Variants in STXBP5 observed in about 807,000 individuals in gnomAD.
STXBP5 encodes syntaxin binding protein 5.
A neutral mutation model predicts 152.4 loss-of-function variants in STXBP5; 50 were observed. The ratio of observed to expected loss-of-function variants is 0.33; its 90% CI spans 0.26 to 0.42. STXBP5 has a LOEUF of 0.42. Among genes scored for constraint, STXBP5 ranks in the 10% least tolerant of loss-of-function variants. The pLI is 1.00. For synonymous variants in STXBP5, 492 were observed against 494.7 expected, an observed-to-expected ratio of 0.99 and a Z score of 0.07; for missense variants, 1,167 against 1,388.6, an observed-to-expected ratio of 0.84 and a Z score of 2.54.
At chr6:147,217,445 G>A (rs576374195) in intron 2 of STXBP5, among the ~76,000 whole-genome samples, 5 of 152,212 alleles carry the variant, frequency 3.3e-5, no homozygotes, top group African/African-American at 7.2e-5. Flanking sequence ...TTATGACTAC[G>A]TAGTAAATAG....
chr6:147,326,454 A>G (rs2128386178), intron 17 of STXBP5, among the ~76,000 whole-genome samples: 1 of 152,318 alleles, frequency 6.6e-6, no homozygotes, highest in South Asian at 2.1e-4. Context: ...TGGCAGCTTC[A>G]TCTGGAACTG....
chr6:147,351,886 G>T, intron 21 of STXBP5: 1 of 985,320 alleles, frequency 1.0e-6, no homozygotes, highest in Non-Finnish European at 1.2e-6. Flanking sequence ...CGCCCTTATG[G>T]ACTAGCAGGG....
chr6:147,353,428 A>T, intron 22 of STXBP5, 55 bp downstream of exon 22: 1 of 1,222,358 alleles, frequency 8.2e-7, no homozygotes, highest in Admixed American at 2.7e-5. Context: ...GAAGACAAGG[A>T]AATCAGAAAA....
intron 9 of STXBP5, among the ~76,000 whole-genome samples, chr6:147,298,280 T>G (rs1361966653): frequency 2.0e-5 from 3 of 151,922 alleles, no homozygotes; most frequent in African/African-American, 7.2e-5. Context: ...AGGGATCAAT[T>G]TAGCATGAGG....
At position 147,265,560 on chromosome 6, in the gene STXBP5, G is replaced by A. The variant is rs79661662; in HGVS notation, c.631-1524G>A. On this transcript the variant is annotated intron_variant, in intron 6 of 27. Coordinates refer to ENST00000321680, the MANE Select transcript of STXBP5 (RefSeq NM_001127715.4). Reference sequence around the variant, plus strand: ...TAACCAGGAAGCAACACTGAATTTAGACTTAAAATATTAGTAGAGGATTGC... The same window carrying A: ...TAACCAGGAAGCAACACTGAATTTAAACTTAAAATATTAGTAGAGGATTGC... Among the ~76,000 whole-genome samples the A allele has an allele frequency of 8.1e-3, 1,232 of 152,124 alleles. 19 individuals are homozygous for A. Among genetic ancestry groups the A allele is most frequent in the African/African-American group, 0.028 (1,181 of 41,514 alleles).
intron 7 of STXBP5, among the ~76,000 whole-genome samples, chr6:147,269,048 TAGAA>T (rs1780026878): frequency 6.6e-6 from 1 of 152,032 alleles, no homozygotes; most frequent in Admixed American, 6.6e-5. Context: ...GCAAAGAGCT[TAGAA>T]AGAGAGTTGT....
chr6:147,373,631 T>C (rs1418118290), intron 25 of STXBP5, 100 bp from the exon 26 acceptor site: 5 of 754,696 alleles, frequency 6.6e-6, no homozygotes, highest in Non-Finnish European at 1.1e-5. Context: ...CAACAGGTAA[T>C]GTTCTGAGCT....
chr6:147,313,780 ATC>A (rs1782498335), intron 11 of STXBP5, 102 bp from the exon 12 acceptor site: 3 of 714,934 alleles, frequency 4.2e-6, no homozygotes, highest in South Asian at 4.6e-5. Flanking sequence ...AATCAATTTA[ATC>A]TCTATGATAG....
At position 147,316,296 on chromosome 6, in the gene STXBP5, C is replaced by T. The variant is rs1441642414; in HGVS notation, c.1691C>T (p.Pro564Leu). 2 of 1,613,942 alleles carry T rather than the reference C, an allele frequency of 1.2e-6. No homozygotes were observed. The highest frequency in any genetic ancestry group is 2.2e-5 in the East Asian group (1 of 44,852). ...VETPEGEQPPPLPTPVGGSNP... is the reference protein window; with the variant it reads ...VETPEGEQPPLLPTPVGGSNP... ...ACTCCGGAGGGTGAGCAGCCACCAC[C>T]TTTGCCAACACCCGTGGGAGGGTCC... Residue 564 changes from proline (P) to leucine (L), a missense_variant, in exon 16 of 28, where the codon CCT becomes CTT. Pro to Leu is a moderately conservative substitution (Grantham distance 98). Coordinates refer to ENST00000321680, the MANE Select transcript of STXBP5 (RefSeq NM_001127715.4).
At chr6:147,317,855 G>T (rs1782720086) in intron 16 of STXBP5, among the ~76,000 whole-genome samples, 1 of 152,010 alleles carries the variant, frequency 6.6e-6, no homozygotes, top group South Asian at 2.1e-4. Context: ...TTCCGTTAAT[G>T]CCCTTGTTTC....
At chr6:147,353,216 G>T (rs1582986132) in intron 21 of STXBP5, 107 bp from the exon 22 acceptor site, 2 of 618,932 alleles carry the variant, frequency 3.2e-6, no homozygotes, top group Admixed American at 3.5e-5. Flanking sequence ...ATTTATCTCG[G>T]CATCTAGATT....
chr6:147,273,032 A>AT (rs888438663), intron 7 of STXBP5, among the ~76,000 whole-genome samples: 4 of 151,694 alleles, frequency 2.6e-5, no homozygotes, highest in East Asian at 1.9e-4. Flanking sequence ...TGGACATTCC[A>AT]TTTTTTTTAG....
intron 2 of STXBP5, among the ~76,000 whole-genome samples, chr6:147,221,713 A>G (rs1344608069): frequency 1.3e-5 from 2 of 150,628 alleles, no homozygotes; most frequent in African/African-American, 4.9e-5. Context: ...GATTTCTGCA[A>G]TTTGAATATA....
intron 21 of STXBP5, among the ~76,000 whole-genome samples, chr6:147,346,665 A>G (rs894805582): frequency 2.4e-4 from 36 of 151,940 alleles, no homozygotes; most frequent in African/African-American, 8.5e-4. Flanking sequence ...GCTCGAACCC[A>G]GGCGGCGGAG....
intron 2 of STXBP5, among the ~76,000 whole-genome samples, chr6:147,217,461 T>A (rs1356696459): frequency 2.0e-5 from 3 of 152,228 alleles, no homozygotes; most frequent in Non-Finnish European, 2.9e-5. Flanking sequence ...AATAGTAGTT[T>A]GAGCAAGTGG....
chr6:147,293,561 T>C (rs1427794142), intron 9 of STXBP5, among the ~76,000 whole-genome samples: 5 of 152,216 alleles, frequency 3.3e-5, no homozygotes, highest in Admixed American at 6.5e-5. Flanking sequence ...CAGAATGTAT[T>C]GTACAGTTCC....
chr6:147,209,984 G>A (rs188270687), intron 2 of STXBP5, among the ~76,000 whole-genome samples: 1 of 152,180 alleles, frequency 6.6e-6, no homozygotes, highest in East Asian at 1.9e-4. Context: ...ATTCAGTTAG[G>A]AATCATAGTT....
At chr6:147,342,762 C>A (rs1321450864) in intron 21 of STXBP5, among the ~76,000 whole-genome samples, 1 of 152,074 alleles carries the variant, frequency 6.6e-6, no homozygotes, top group African/African-American at 2.4e-5. Context: ...TCCTACAATG[C>A]ATATCTTGGT....
chr6:147,353,545 T>G (rs1156245193), intron 22 of STXBP5, among the ~76,000 whole-genome samples, 172 bp downstream of exon 22: 2 of 152,162 alleles, frequency 1.3e-5, no homozygotes, highest in Non-Finnish European at 2.9e-5. Flanking sequence ...TCTGTAAATT[T>G]AAAATGACAA....
Sources: allele counts gnomAD v4.1 joint callset (sites outside exome capture counted in the v4.1 genomes callset), GRCh38; gene constraint gnomAD v4.1.1; transcripts MANE v1.5; gene names NCBI Gene and HGNC (gene_info 2026-07-23, HGNC 2026-07-21).